Variants in LCA5L observed in about 807,000 individuals in gnomAD.
LCA5L encodes lebercilin LCA5 like.
In LCA5L, 35 loss-of-function variants were observed where a neutral mutation model predicts 45.4. The ratio of observed to expected loss-of-function variants is 0.77; its 90% confidence interval spans 0.59 to 1.02. The LOEUF is 1.02. Ranked by LOEUF, LCA5L falls within the 50% of genes least tolerant of loss-of-function variation. LCA5L has a pLI of 0.00. For synonymous variants in LCA5L, 233 were observed against 264.7 expected (o/e 0.88, Z 1.16); for missense variants, 668 against 761.6 (o/e 0.88, Z 1.45).
chr21:39,405,796 C>G lies in LCA5L; in HGVS notation c.*86G>C. ...ACTAAAACACACACATACATACACTCCCTCTCTCACACATTTCAAAAATAA... is the reference window on the plus strand; with the variant it reads ...ACTAAAACACACACATACATACACTGCCTCTCTCACACATTTCAAAAATAA... On this transcript the variant is annotated 3_prime_UTR_variant, in exon 11 of 11. Coordinates refer to ENST00000288350, the MANE Select transcript of LCA5L (RefSeq NM_152505.4). 1 of 1,033,642 alleles carries G rather than the reference C, an allele frequency of 9.7e-7. No homozygotes were observed. Among genetic ancestry groups the G allele is most frequent in the Non-Finnish European group, 1.4e-6 (1 of 737,216 alleles). 64.0% of individuals were successfully genotyped at this position (1,033,642 alleles called of 1,614,324 possible).
At chr21:39,411,249 C>T in intron 8 of LCA5L, 1 of 208,690 alleles carries the variant, frequency 4.8e-6, no homozygotes, top group Non-Finnish European at 9.8e-6. Context: ...CACGAGGAAA[C>T]TTCCTGGGGA....
At chr21:39,442,881 C>T (rs541492107) in intron 2 of LCA5L, among the ~76,000 whole-genome samples, 1 of 152,188 alleles carries the variant, frequency 6.6e-6, no homozygotes, top group Admixed American at 6.5e-5. Flanking sequence ...GAATCTGTGC[C>T]TTGTGCTAGA....
Position 39,423,426 on chromosome 21 carries a change from G to C in LCA5L, c.387C>G (p.Ile129Met). 6.3e-7 allele frequency: 1 copy of C among 1,598,236 alleles called. No homozygotes were observed. ...TWNASLFNSQ[I>M]HMIAQRRDAM... ...CATCTCTTCTTTGGGCAATCATATG[G>C]ATTTGAGAATTAAAGAGTGATGCAT... The change falls in exon 6 of 11, where the codon ATC becomes ATG. Residue 129 changes from isoleucine (I) to methionine (M), a missense_variant. By Grantham distance (10) the Ile-to-Met change is conservative (BLOSUM62 1). Coordinates refer to ENST00000288350, the MANE Select transcript of LCA5L (RefSeq NM_152505.4).
In LCA5L at chr21:39,423,411, T is replaced by C. The variant is rs749881986; in HGVS notation, c.402A>G (p.Gln134=). The change falls in exon 6 of 11, where the codon CAA becomes CAG. Residue 134 remains glutamine, a synonymous_variant. Coordinates refer to ENST00000288350, the MANE Select transcript of LCA5L (RefSeq NM_152505.4). ...LFNSQIHMIA[Q]RRDAMAHRIL... is the part of the protein sequence containing the mutation. ...TTCGATGAGCCATAGCATCTCTTCTTTGGGCAATCATATGGATTTGAGAAT... is the reference window on the plus strand; with the variant it reads ...TTCGATGAGCCATAGCATCTCTTCTCTGGGCAATCATATGGATTTGAGAAT... The C allele has an allele frequency of 5.0e-6, 8 of 1,605,154 alleles. No individual in the cohort carries two copies. Among genetic ancestry groups the C allele is most frequent in the Non-Finnish European group, 6.8e-6 (8 of 1,178,230 alleles).
chr21:39,435,797 G>A (rs1237777839), intron 2 of LCA5L, among the ~76,000 whole-genome samples: 5 of 151,970 alleles, frequency 3.3e-5, no homozygotes, highest in Admixed American at 6.6e-5. Flanking sequence ...CACCATGCCC[G>A]GCTAATTTTT....
intron 2 of LCA5L, among the ~76,000 whole-genome samples, chr21:39,442,235 ATGCCAAGGCCTGG>A (rs887488150): frequency 6.6e-6 from 1 of 152,172 alleles, no homozygotes; most frequent in Non-Finnish European, 1.5e-5. Context: ...AGAGGAAAGA[ATGCCAAGGCCTGG>A]TGGGTGGAGG....
In LCA5L at chr21:39,445,737, G is replaced by A. The variant is rs2077428898; in HGVS notation, c.-325C>T. On this transcript the variant is annotated 5_prime_UTR_variant, in exon 1 of 11. Transcript: ENST00000288350. ...GCGGGGCCGTTACCTGCTCCGCGCT[G>A]TTCCCACGACTGCGCCAACGCCGCA... 1 of 152,310 alleles carries A rather than the reference G, an allele frequency of 6.6e-6. No homozygotes were observed. Among genetic ancestry groups the A allele is most frequent in the Non-Finnish European group, 1.5e-5 (1 of 68,110 alleles). 9.4% of individuals were successfully genotyped at this position (152,310 alleles called of 1,614,324 possible).
At position 39,410,591 on chromosome 21, in the gene LCA5L, G is replaced by T. The variant is rs371055565; in HGVS notation, c.1061-224C>A. Among the ~76,000 whole-genome samples, 7 of 152,194 alleles carry T rather than the reference G, an allele frequency of 4.6e-5. No homozygotes were observed. The East Asian group carries it at 1.3e-3, about 29-fold the overall frequency. On this transcript the variant is annotated intron_variant, in intron 8 of 10. Transcript: ENST00000288350. The stretch of plus-strand genomic sequence containing the variant: ...CAGTGTTTGAGTATAAAACAAGTAG[G>T]TGTTAGGATAAGACATTGTTGCTGT...
At chr21:39,419,670 T>C (rs1360333201) in intron 7 of LCA5L, among the ~76,000 whole-genome samples, 1 of 152,148 alleles carries the variant, frequency 6.6e-6, no homozygotes, top group African/African-American at 2.4e-5. Flanking sequence ...GGCAGAATCC[T>C]TGTGAATGGG....
At chr21:39,435,182 T>C (rs1369667634) in intron 3 of LCA5L, among the ~76,000 whole-genome samples, 1 of 152,220 alleles carries the variant, frequency 6.6e-6, no homozygotes, top group Admixed American at 6.5e-5. Context: ...AAATCTGATC[T>C]GGTTGAGGTT....
chr21:39,435,808 T>C lies in LCA5L; in HGVS notation c.-245-235A>G, dbSNP rs897444327. Among the ~76,000 whole-genome samples, 5 of 152,280 alleles carry C rather than the reference T, an allele frequency of 3.3e-5. No homozygotes were observed. In the East Asian group the frequency reaches 9.6e-4, roughly 29 times the overall value. On this transcript the variant is annotated intron_variant, in intron 2 of 10. Coordinates refer to ENST00000288350, the MANE Select transcript of LCA5L (RefSeq NM_152505.4). ...CCGCCACCATGCCCGGCTAATTTTTTTGTATTTTTAGTACAGACGGGGTTT... is the reference window on the plus strand; with the variant it reads ...CCGCCACCATGCCCGGCTAATTTTTCTGTATTTTTAGTACAGACGGGGTTT...
chr21:39,431,012 G>A lies in LCA5L; in HGVS notation c.-91-1801C>T, dbSNP rs146356732. Among the ~76,000 whole-genome samples the A allele has an allele frequency of 1.9e-3, 293 of 152,168 alleles. 1 individual carries two copies. Among genetic ancestry groups the A allele is most frequent in the African/African-American group, 6.8e-3 (284 of 41,514 alleles). On this transcript the variant is annotated intron_variant, in intron 3 of 10. Coordinates refer to ENST00000288350, the MANE Select transcript of LCA5L (RefSeq NM_152505.4). ...GTCTCTTAGTTTAATAAAAATTGAT[G>A]TAACAGCCAAAAAAGAAAAAAAATT...
At chr21:39,422,605 A>C in intron 6 of LCA5L, 1 of 325,798 alleles carries the variant, frequency 3.1e-6, no homozygotes, top group Non-Finnish European at 5.5e-6. Flanking sequence ...CAACAGTTTA[A>C]GGTAGAGGGT....
At chr21:39,407,561 A>G (rs1220438805) in intron 10 of LCA5L, among the ~76,000 whole-genome samples, 1 of 152,220 alleles carries the variant, frequency 6.6e-6, no homozygotes, top group Non-Finnish European at 1.5e-5. Flanking sequence ...CAAAGGAATA[A>G]TGGTTAAATA....
rs147171239 is a variant in LCA5L, at chr21:39,423,482, C to T, written c.331G>A (p.Glu111Lys). 3,144 of 1,555,238 alleles carry T rather than the reference C, an allele frequency of 2.0e-3. 8 individuals carry two copies. The highest frequency in any genetic ancestry group is 2.4e-3 in the Non-Finnish European group (2,778 of 1,160,058). Residue 111 changes from glutamate to lysine, a missense_variant, in exon 6 of 11, where the codon GAA becomes AAA. By Grantham distance (56) the Glu-to-Lys change is moderately conservative (BLOSUM62 1). Coordinates refer to ENST00000288350, the MANE Select transcript of LCA5L (RefSeq NM_152505.4). Reference sequence around the variant, plus strand: ...GTGTGCTTTTTTTCAACTGATATTTCCTTCTGGCCTGTGTAAGCAGAAAAT... The same window carrying T: ...GTGTGCTTTTTTTCAACTGATATTTTCTTCTGGCCTGTGTAAGCAGAAAAT... Reference protein sequence around the residue: ...SKISQSKGQKEISVEKKHTWN... With the variant: ...SKISQSKGQKKISVEKKHTWN...
intron 3 of LCA5L, among the ~76,000 whole-genome samples, chr21:39,433,244 C>T (rs2075925271): frequency 6.6e-6 from 1 of 151,968 alleles, no homozygotes; most frequent in Non-Finnish European, 1.5e-5. Flanking sequence ...AATTTAAACC[C>T]CATCTCTACC....
Position 39,428,232 on chromosome 21 carries a change from G to C in LCA5L, c.262C>G (p.Pro88Ala). The C allele has an allele frequency of 3.7e-6, 6 of 1,601,574 alleles. No homozygotes were observed. The highest frequency in any genetic ancestry group is 1.1e-5 in the South Asian group (1 of 90,348). Residue 88 changes from proline to alanine, a missense_variant, in exon 5 of 11, where the codon CCT becomes GCT. Transcript: ENST00000288350. ...KAINRNYLKQPVVKEKEKKKY... is the reference protein window; with the variant it reads ...KAINRNYLKQAVVKEKEKKKY... ...TTCTTCTCCTTTTCTTTTACCACAGGCTGCTTTAAATAATTTCTATTAATA... is the reference window on the plus strand; with the variant it reads ...TTCTTCTCCTTTTCTTTTACCACAGCCTGCTTTAAATAATTTCTATTAATA...
In LCA5L at chr21:39,406,442, C is replaced by T. The variant is rs1367622424; in HGVS notation, c.1453G>A (p.Glu485Lys). 1.2e-6 allele frequency: 2 copies of T among 1,614,046 alleles called. No individual in the cohort carries two copies. Among genetic ancestry groups the T allele is most frequent in the Non-Finnish European group, 1.7e-6 (2 of 1,179,974 alleles). Residue 485 changes from glutamate (E) to lysine (K), a missense_variant, in exon 11 of 11, where the codon GAA (glutamate) becomes AAA (lysine). Transcript: ENST00000288350. The stretch of plus-strand genomic sequence containing the variant: ...AACTTTTCTCTTACTAGAACATCTT[C>T]TTGATTGCTTTCTCTTTCAGGATGA... ...VIHPERESNQ[E>K]DVLVREKFKR...
rs966991485 is a variant in LCA5L at position 39,409,656 on chromosome 21, G to A, written c.1282+323C>T. ...CACCCAGGTTGGAGTGCAGTGGCAC[G>A]ATCTTGGCTCACTGCAACCTCTGCC... On this transcript the variant is annotated intron_variant, in intron 10 of 10. Transcript: ENST00000288350. This position sits in a 1 kb window ranked among gnomAD's most constrained non-coding sequence, Gnocchi z 4.2. Among the ~76,000 whole-genome samples, 2 of 152,014 alleles carry A rather than the reference G, an allele frequency of 1.3e-5. No individual in the cohort carries two copies. The highest frequency in any genetic ancestry group is 1.5e-5 in the Non-Finnish European group (1 of 67,990).
Sources: gnomAD v4.1 joint callset for allele counts (sites outside exome capture counted in the v4.1 genomes callset) on GRCh38, gnomAD v4.1.1 for gene constraint, Gnocchi (gnomAD v3.1) non-coding constraint, MANE v1.5 for transcripts, NCBI Gene and HGNC (gene_info 2026-07-23, HGNC 2026-07-21) for gene names.